Variants in ZFHX3 observed in about 807,000 individuals in gnomAD.
ZFHX3 encodes zinc finger homeobox protein 3.
Under a neutral mutation model 279.1 loss-of-function variants are expected in ZFHX3, and 42 were observed. The observed-to-expected ratio is 0.15, with a 90% CI of 0.12 to 0.19. ZFHX3 has a LOEUF of 0.19. Ranked by LOEUF, ZFHX3 falls within the 10% of genes least tolerant of loss-of-function variation. ZFHX3 has a pLI of 1.00. For synonymous variants in ZFHX3, 2,293 were observed against 1,957.8 expected (o/e 1.17, Z -4.52); for missense variants, 4,981 against 4,754.0 (o/e 1.05, Z -1.40).
chr16:73,207,917 T>A (rs2011868920), intron 5 of ZFHX3, among the ~76,000 whole-genome samples: 1 of 152,182 alleles, frequency 6.6e-6, no homozygotes, highest in South Asian at 2.1e-4. Flanking sequence ...CAAATGTATG[T>A]CCGTGCCCTT....
chr16:72,822,041 C>G (rs906886948), intron 5 of ZFHX3: 1 of 152,178 alleles, frequency 6.6e-6, no homozygotes, highest in African/African-American at 2.4e-5. Flanking sequence ...TGTCTTTTCT[C>G]TATACCAGGA....
chr16:73,291,989 G>T (rs944739110), intron 4 of ZFHX3, among the ~76,000 whole-genome samples: 11 of 152,276 alleles, frequency 7.2e-5, no homozygotes, highest in Admixed American at 3.9e-4. Context: ...TCTCCTCTGG[G>T]TAAGCAGAGG....
chr16:73,651,564 A>G (rs9927241), intron 2 of ZFHX3, among the ~76,000 whole-genome samples: 147,052 of 151,352 alleles, frequency 0.97, 71,462 homozygotes, highest in East Asian at 1. Flanking sequence ...AAGGCCGGGC[A>G]CGGTGGCTCA....
chr16:73,117,480 A>T (rs1164544890), intron 7 of ZFHX3, among the ~76,000 whole-genome samples: 3 of 152,244 alleles, frequency 2.0e-5, no homozygotes. Context: ...GGTTGAAAAC[A>T]CATGATCAAA....
At chr16:73,729,629 T>C (rs763782977) in intron 1 of ZFHX3, among the ~76,000 whole-genome samples, 2 of 151,984 alleles carry the variant, frequency 1.3e-5, no homozygotes, top group East Asian at 1.9e-4. Flanking sequence ...AGGTCTACTA[T>C]TGGGGAAACC....
intron 4 of ZFHX3, among the ~76,000 whole-genome samples, chr16:73,303,735 T>C (rs371937927): frequency 6.7e-6 from 1 of 150,280 alleles, no homozygotes; most frequent in Admixed American, 6.7e-5. Context: ...GGCCATCTCA[T>C]TCCCTTATAT....
chr16:73,081,201 C>T (rs1965939654), intron 8 of ZFHX3: 2 of 152,262 alleles, frequency 1.3e-5, no homozygotes, highest in South Asian at 2.1e-4. Flanking sequence ...ATTTGTACTT[C>T]ATCTTTCATC....
At chr16:73,454,698 C>G (rs531907746) in intron 3 of ZFHX3, among the ~76,000 whole-genome samples, 1 of 152,162 alleles carries the variant, frequency 6.6e-6, no homozygotes, top group South Asian at 2.1e-4. Flanking sequence ...ACCCCCCTCT[C>G]CCCCACCCAC....
chr16:73,099,375 A>G (rs1394501430), intron 7 of ZFHX3: 2 of 152,136 alleles, frequency 1.3e-5, no homozygotes, highest in Non-Finnish European at 2.9e-5. Flanking sequence ...TTGTCACACC[A>G]GACAGTTAGG....
At chr16:73,696,669 G>T (rs761737131) in intron 1 of ZFHX3, among the ~76,000 whole-genome samples, 1 of 152,146 alleles carries the variant, frequency 6.6e-6, no homozygotes, top group African/African-American at 2.4e-5. Context: ...TGTCAGCCCC[G>T]TCAAAGCCAG....
At chr16:72,831,021 C>A (rs2037047761) in intron 4 of ZFHX3, among the ~76,000 whole-genome samples, 1 of 152,142 alleles carries the variant, frequency 6.6e-6, no homozygotes, top group Non-Finnish European at 1.5e-5. Context: ...TGTCCAACCC[C>A]AATTCAACTT....
At chr16:73,770,067 C>T (rs1007394533) in intron 1 of ZFHX3, among the ~76,000 whole-genome samples, 4 of 152,154 alleles carry the variant, frequency 2.6e-5, no homozygotes, top group South Asian at 2.1e-4. Flanking sequence ...GAATGTGTTA[C>T]GTTACATGGC....
rs368013886 is a variant in ZFHX3, at chr16:73,537,021, C to A, written c.-1546-80763G>T. The stretch of plus-strand genomic sequence containing the variant: ...CATGTTAATTTGCCTTAGGGTTTAT[C>A]TGAGCTGAGCATCCAAGAGATACCA... On this transcript the variant is annotated intron_variant, in intron 2 of 17. Coordinates refer to the ZFHX3 transcript ENST00000641206. Among the ~76,000 whole-genome samples the A allele has an allele frequency of 3.5e-4, 53 of 152,272 alleles. No individual in the cohort carries two copies. The South Asian group carries it at 4.6e-3, about 13-fold the overall frequency.
chr16:73,332,470 T>TTA (rs759129648), intron 3 of ZFHX3, among the ~76,000 whole-genome samples: 3 of 152,144 alleles, frequency 2.0e-5, no homozygotes, highest in Admixed American at 6.5e-5. Flanking sequence ...TTACAGAGGG[T>TTA]TATACATCTT....
chr16:72,948,426 C>G (rs1960811497), intron 3 of ZFHX3, among the ~76,000 whole-genome samples: 2 of 152,168 alleles, frequency 1.3e-5, no homozygotes, highest in African/African-American at 4.8e-5. Context: ...GATGACAGGC[C>G]AGCAGTGCAG....
At chr16:72,934,942 C>T (rs916847337) in intron 3 of ZFHX3, among the ~76,000 whole-genome samples, 4 of 152,198 alleles carry the variant, frequency 2.6e-5, no homozygotes, top group African/African-American at 9.6e-5. Context: ...GAAATCCATG[C>T]TGTGAGTACA....
At chr16:73,348,816 A>G (rs915450074) in intron 3 of ZFHX3, among the ~76,000 whole-genome samples, 103 of 152,312 alleles carry the variant, frequency 6.8e-4, no homozygotes, top group South Asian at 8.3e-4. Context: ...AGGCAAATTC[A>G]GCCTGCCAGA....
At chr16:73,395,825 G>A (rs1478771472) in intron 3 of ZFHX3, among the ~76,000 whole-genome samples, 2 of 151,800 alleles carry the variant, frequency 1.3e-5, no homozygotes, top group East Asian at 1.9e-4. Context: ...CAAGTCCCAC[G>A]AATAGACCCT....
At chr16:73,062,098 A>G (rs917055157), upstream of ZFHX3, 9 of 152,168 alleles carry the variant, frequency 5.9e-5, no homozygotes, top group Non-Finnish European at 1.3e-4. Context: ...AAAAAAGGAA[A>G]CAAGAAATTC....
Sources: allele counts gnomAD v4.1 joint callset (sites outside exome capture counted in the v4.1 genomes callset), GRCh38; gene constraint gnomAD v4.1.1; transcripts MANE v1.5; gene names NCBI Gene and HGNC (gene_info 2026-07-23, HGNC 2026-07-21).